The following FBN2 variants were observed in gnomAD, a reference collection of about 807,000 sequenced individuals.
The protein encoded by FBN2 is fibrillin 2.
In FBN2, 105 loss-of-function variants were observed where a neutral mutation model predicts 355.6. That is an observed-to-expected ratio of 0.30 (90% CI 0.25 to 0.35). FBN2 has a LOEUF of 0.35. Among genes scored for constraint, FBN2 ranks in the 10% least tolerant of loss-of-function variants. The pLI is 1.00. For missense variants in FBN2, 3,280 were observed against 3,758.7 expected, an observed-to-expected ratio of 0.87 and a Z score of 3.33; for synonymous variants, 1,350 against 1,301.2, an observed-to-expected ratio of 1.04 and a Z score of -0.81.
intron 34 of FBN2, among the ~76,000 whole-genome samples, chr5:128,320,510 G>A (rs1247071666): frequency 3.3e-5 from 5 of 152,236 alleles, no homozygotes; most frequent in South Asian, 4.1e-4. Context: ...CACCATGCCC[G>A]ATCCATTTTA....
intron 4 of FBN2, among the ~76,000 whole-genome samples, chr5:128,523,268 C>T (rs376526414): frequency 6.6e-6 from 1 of 152,288 alleles, no homozygotes; most frequent in East Asian, 1.9e-4. Flanking sequence ...TACTGTCTGA[C>T]ATAGGAAGGT....
At position 128,332,898 on chromosome 5, in the gene FBN2, A is replaced by G; in HGVS notation, c.4222+14T>C. Reference sequence around the variant, plus strand: ...TTGTGCCTTAGCAAAGGATATTTACATTTGCAAACTCACCAATACACTTGA... The same window carrying G: ...TTGTGCCTTAGCAAAGGATATTTACGTTTGCAAACTCACCAATACACTTGA... On this transcript the variant is annotated intron_variant, in intron 32 of 64. Transcript: ENST00000262464. 3 of 1,613,578 alleles carry G rather than the reference A, an allele frequency of 1.9e-6. No individual in the cohort carries two copies. The highest frequency in any genetic ancestry group is 2.5e-6 in the Non-Finnish European group (3 of 1,179,508).
chr5:128,385,871 A>G (rs931742737), intron 11 of FBN2, among the ~76,000 whole-genome samples: 1 of 151,732 alleles, frequency 6.6e-6, no homozygotes, highest in Admixed American at 6.6e-5. Context: ...TCCTTTACCC[A>G]TTATTTAATG....
In FBN2 at chr5:128,408,818, A is replaced by G. The variant is rs947752549; in HGVS notation, c.953-19T>C. The G allele has an allele frequency of 6.2e-7, 1 of 1,613,666 alleles. No individual in the cohort carries two copies. The highest frequency in any genetic ancestry group is 1.3e-5 in the African/African-American group (1 of 74,930). ...TCAATGTCTAATCAAGGGAAGAAGGAGAAGATGATTGAGAAAGGCCTTCAT... is the reference window on the plus strand; with the variant it reads ...TCAATGTCTAATCAAGGGAAGAAGGGGAAGATGATTGAGAAAGGCCTTCAT... On this transcript the variant is annotated intron_variant, in intron 7 of 64. Transcript: ENST00000262464.
chr5:128,479,956 CTCTCTCTCTCTCTCTCTCTCTA>C (rs1755111953), intron 5 of FBN2, among the ~76,000 whole-genome samples: 3 of 35,244 alleles, frequency 8.5e-5, no homozygotes, highest in Non-Finnish European at 1.1e-4. Context: ...CTCTCTCTCT[CTCTCTCTCTCTCTCTCTCTCTA>C]TATATATATA....
At chr5:128,272,592 A>G (rs1765295606) in intron 61 of FBN2, among the ~76,000 whole-genome samples, 1 of 151,520 alleles carries the variant, frequency 6.6e-6, no homozygotes, top group South Asian at 2.1e-4. Flanking sequence ...AAGTACAATT[A>G]TATTGCACGT....
intron 20 of FBN2, among the ~76,000 whole-genome samples, chr5:128,354,788 A>ACT (rs1751458508): frequency 1.3e-5 from 2 of 152,102 alleles, no homozygotes; most frequent in South Asian, 4.1e-4. Flanking sequence ...TTCCTGGGAG[A>ACT]CTCAGGTTCA....
At chr5:128,531,999 G>A (rs1341278749) in intron 2 of FBN2, among the ~76,000 whole-genome samples, 1 of 152,106 alleles carries the variant, frequency 6.6e-6, no homozygotes, top group Admixed American at 6.6e-5. Context: ...CTAAGTAGTT[G>A]GGAGGGTTGC....
At chr5:128,473,251 A>G (rs1581327135) in intron 5 of FBN2, among the ~76,000 whole-genome samples, 1 of 152,234 alleles carries the variant, frequency 6.6e-6, no homozygotes, top group Middle Eastern at 3.4e-3. Context: ...CTGTACCCTC[A>G]CACTCTCTCC....
intron 11 of FBN2, among the ~76,000 whole-genome samples, chr5:128,388,919 C>T (rs555816276): frequency 6.6e-6 from 1 of 152,102 alleles, no homozygotes; most frequent in East Asian, 1.9e-4. Context: ...TGGGCAATAT[C>T]TTCAAATATG....
chr5:128,453,611 G>T (rs569213140), intron 6 of FBN2, among the ~76,000 whole-genome samples: 4 of 151,886 alleles, frequency 2.6e-5, no homozygotes, highest in African/African-American at 9.7e-5. Context: ...GTTCATACCC[G>T]CCTTTTACTT....
At chr5:128,365,301 C>T (rs890798264) in intron 17 of FBN2, 3 of 153,260 alleles carry the variant, frequency 2.0e-5, no homozygotes, top group Admixed American at 6.5e-5. Flanking sequence ...ACTATATCAC[C>T]GAGGGGCAGT....
chr5:128,296,603 A>T (rs1053923982), intron 48 of FBN2, among the ~76,000 whole-genome samples: 1,822 of 152,148 alleles, frequency 0.012, 45 homozygotes, highest in African/African-American at 0.042. Context: ...CATTTCTTCT[A>T]GATTTTCTAG....
chr5:128,316,862 G>T (rs1413136604), intron 36 of FBN2, among the ~76,000 whole-genome samples: 1 of 152,064 alleles, frequency 6.6e-6, no homozygotes, highest in Non-Finnish European at 1.5e-5. Context: ...AAATATTGAG[G>T]CCCCAGTGAG....
chr5:128,502,679 T>C (rs1490780830), intron 5 of FBN2, among the ~76,000 whole-genome samples: 4 of 152,134 alleles, frequency 2.6e-5, no homozygotes, highest in African/African-American at 9.7e-5. Flanking sequence ...AATCAAGAAA[T>C]TGTGGCCTAA....
At chr5:128,461,238 C>G (rs569080147) in intron 6 of FBN2, among the ~76,000 whole-genome samples, 1 of 152,028 alleles carries the variant, frequency 6.6e-6, no homozygotes, top group Non-Finnish European at 1.5e-5. Context: ...ATGTGGCCAA[C>G]AAACATATAA....
At position 128,325,257 on chromosome 5, in the gene FBN2, C is replaced by T. The variant is rs528957139; in HGVS notation, c.4471+3439G>A. ...TGGGAGTCTAAGTCTCTTTGTAGGTCTCTAAGAACTTGCTTTATGAATCTG... is the reference window on the plus strand; with the variant it reads ...TGGGAGTCTAAGTCTCTTTGTAGGTTTCTAAGAACTTGCTTTATGAATCTG... On this transcript the variant is annotated intron_variant, in intron 34 of 64. Transcript: ENST00000262464. 2.6e-5 allele frequency among the ~76,000 whole-genome samples: 4 copies of T among 152,234 alleles called. No individual in the cohort carries two copies. In the South Asian group the frequency reaches 8.3e-4, roughly 32 times the overall value.
chr5:128,490,323 T>G (rs1004146480), intron 5 of FBN2, among the ~76,000 whole-genome samples: 2 of 152,180 alleles, frequency 1.3e-5, no homozygotes, highest in Non-Finnish European at 2.9e-5. Flanking sequence ...TCATGAGAAC[T>G]TCCCCTGGTG....
intron 7 of FBN2, among the ~76,000 whole-genome samples, chr5:128,427,768 C>T (rs916856828): frequency 6.6e-6 from 1 of 152,138 alleles, no homozygotes; most frequent in Non-Finnish European, 1.5e-5. Context: ...ACCTATAAGC[C>T]ATTGGAGAGT....
Sources: allele counts gnomAD v4.1 joint callset (sites outside exome capture counted in the v4.1 genomes callset), GRCh38; gene constraint gnomAD v4.1.1; transcripts MANE v1.5; gene names NCBI Gene and HGNC (gene_info 2026-07-23, HGNC 2026-07-21).